RABL2A: variants seen among roughly 807,000 people sequenced by gnomAD.
The protein encoded by RABL2A is rab-like protein 2A.
In RABL2A, 17 loss-of-function variants were observed where a neutral mutation model predicts 30.7. The ratio of observed to expected loss-of-function variants is 0.55; its 90% CI spans 0.38 to 0.83. The LOEUF (loss-of-function observed/expected upper bound fraction) is 0.83. Among genes scored for constraint, RABL2A ranks in the 40% least tolerant of loss-of-function variants. The pLI is 0.00. For missense variants in RABL2A, 155 were observed against 272.6 expected, an observed-to-expected ratio of 0.57 and a Z score of 3.04; for synonymous variants, 64 against 101.8, an observed-to-expected ratio of 0.63 and a Z score of 2.24.
chr2:113,627,802 C>T lies in RABL2A; in HGVS notation c.-54+402C>T, dbSNP rs1278074927. The T allele has an allele frequency of 1.7e-4, 34 of 204,292 alleles. 1 individual carries two copies. Among genetic ancestry groups the T allele is most frequent in the Non-Finnish European group, 2.9e-5 (3 of 101,824 alleles). The allele number at this position is 204,292 out of a possible 1,614,324, so 12.7% of individuals were successfully genotyped here. ...TATCTCTAAACAAAAGAAAGAACGTCTTCAAGCATGGAGCCATGAAGCTGG... is the reference window on the plus strand; with the variant it reads ...TATCTCTAAACAAAAGAAAGAACGTTTTCAAGCATGGAGCCATGAAGCTGG... On this transcript the variant is annotated intron_variant, in intron 1 of 8. Coordinates refer to ENST00000683472, the MANE Select transcript of RABL2A (RefSeq NM_001306158.2).
Position 113,632,922 on chromosome 2 carries a change from G to T in RABL2A, c.115G>T (p.Glu39Ter). The T allele has an allele frequency of 6.2e-7, 1 of 1,614,178 alleles. No homozygotes were observed. Among genetic ancestry groups the T allele is most frequent in the Admixed American group, 1.7e-5 (1 of 60,018 alleles). ...DSAVGKSKLM[E>*]RFLMDGFQPQ... Reference sequence around the variant, plus strand: ...TGCCTGTTCTGCTTACAGACTCATGGAGAGATTTCTCATGGATGGCTTGTA... The same window carrying T: ...TGCCTGTTCTGCTTACAGACTCATGTAGAGATTTCTCATGGATGGCTTGTA... Residue 39 changes from glutamate (E) to a stop codon, truncating the protein, a stop_gained, in exon 3 of 9, where the codon GAG becomes TAG. Transcript: ENST00000683472. LOFTEE classifies it high-confidence loss of function.
intron 4 of RABL2A, chr2:113,634,665 G>GGC (rs1053494039): frequency 4.9e-6 from 2 of 410,130 alleles, no homozygotes; most frequent in African/African-American, 2.0e-5. Context: ...TCCTTGGCCG[G>GGC]GCACACAGCC....
At chr2:113,641,033 A>C in intron 6 of RABL2A, 28 bp downstream of exon 6, 3 of 1,604,982 alleles carry the variant, frequency 1.9e-6, no homozygotes, top group Non-Finnish European at 1.7e-6. Flanking sequence ...CCTGGGTGTT[A>C]GCAATTCACT....
chr2:113,629,797 G>C (rs1408893370), intron 2 of RABL2A, among the ~76,000 whole-genome samples: 8 of 152,008 alleles, frequency 5.3e-5, no homozygotes, highest in Admixed American at 5.2e-4. Flanking sequence ...CTCAGCCTCC[G>C]AAAGTGCTGG....
intron 3 of RABL2A, chr2:113,633,907 G>A (rs1005864098): frequency 2.9e-6 from 2 of 699,264 alleles, no homozygotes; most frequent in Non-Finnish European, 2.2e-6. Context: ...CCTGTTCTGT[G>A]TTTTACCTCA....
chr2:113,631,672 C>T (rs1027650092), intron 2 of RABL2A, among the ~76,000 whole-genome samples: 19 of 151,946 alleles, frequency 1.3e-4, no homozygotes, highest in African/African-American at 4.1e-4. Context: ...GTCTCTGGGG[C>T]CTCTTTTTCC....
chr2:113,631,379 TG>T (rs1166006738), intron 2 of RABL2A, among the ~76,000 whole-genome samples: 1 of 152,086 alleles, frequency 6.6e-6, no homozygotes, highest in East Asian at 1.9e-4. Context: ...CCACATGGTG[TG>T]AGTACAGACT....
intron 5 of RABL2A, chr2:113,637,851 C>A: frequency 7.9e-7 from 1 of 1,272,940 alleles, no homozygotes; most frequent in East Asian, 5.6e-5. Context: ...TCCCCTCAGA[C>A]CCTCTTCTGA....
chr2:113,635,045 T>C lies in RABL2A; in HGVS notation c.218-6T>C, dbSNP rs754213678. ...GCATGTAGGTCTGTCTGTGTTCACA[T>C]TGCAGACTTTTGGGACACGGCAGGC... On this transcript the variant is annotated splice_region_variant and splice_polypyrimidine_tract_variant and intron_variant, in intron 4 of 8. Coordinates refer to ENST00000683472, the MANE Select transcript of RABL2A (RefSeq NM_001306158.2). 4.3e-6 allele frequency: 7 copies of C among 1,614,058 alleles called. No homozygotes were observed. Among genetic ancestry groups the C allele is most frequent in the Non-Finnish European group, 5.1e-6 (6 of 1,180,012 alleles).
intron 3 of RABL2A, 69 bp downstream of exon 3, chr2:113,633,013 C>T (rs1367885505): frequency 9.9e-6 from 16 of 1,610,772 alleles, no homozygotes; most frequent in Admixed American, 1.7e-5. Flanking sequence ...CAGTGTCCCA[C>T]TGCCCACCCC....
At chr2:113,636,079 G>T (rs142891844) in intron 5 of RABL2A, among the ~76,000 whole-genome samples, 42,757 of 150,490 alleles carry the variant, frequency 0.28, 6,356 homozygotes, top group Middle Eastern at 0.45. Flanking sequence ...TTGCACTCCA[G>T]CCTGGGCAAC....
rs543645312 is a variant in RABL2A at position 113,635,238 on chromosome 2, G to C, written c.297+108G>C. On this transcript the variant is annotated intron_variant, in intron 5 of 8. Transcript: ENST00000683472. ...TAACCAAGTCTGGGTGTTGTGGGAG[G>C]GGGGCTTAGGGTCACCCGGGGATGT... 5.5e-6 allele frequency: 6 copies of C among 1,089,740 alleles called. No individual in the cohort carries two copies. The East Asian group carries it at 7.6e-5, about 14-fold the overall frequency. 67.5% of individuals were successfully genotyped at this position (1,089,740 alleles called of 1,614,324 possible). A position where few individuals can be genotyped will look rare whatever the true frequency, so the allele number is the denominator to read the frequency against.
chr2:113,630,864 A>G (rs1680052638), intron 2 of RABL2A, among the ~76,000 whole-genome samples: 1 of 151,784 alleles, frequency 6.6e-6, no homozygotes, highest in East Asian at 1.9e-4. Flanking sequence ...CCAGGTGATC[A>G]TACTGCTTAA....
At chr2:113,632,494 C>T (rs1251569641) in intron 2 of RABL2A, among the ~76,000 whole-genome samples, 2 of 152,250 alleles carry the variant, frequency 1.3e-5, no homozygotes, top group Non-Finnish European at 2.9e-5. Context: ...ACAAGGGCTT[C>T]ACCATGTTGG....
intron 2 of RABL2A, among the ~76,000 whole-genome samples, chr2:113,630,134 G>A (rs989453679): frequency 1.3e-5 from 2 of 152,128 alleles, no homozygotes; most frequent in African/African-American, 4.8e-5. Context: ...AATCCAAGTA[G>A]TTAACTTGAC....
At chr2:113,634,701 G>T (rs1681822499) in intron 4 of RABL2A, 1 of 432,528 alleles carries the variant, frequency 2.3e-6, no homozygotes, top group Non-Finnish European at 4.3e-6. Context: ...ACCGTCTGTG[G>T]TCATCGCACG....
chr2:113,636,938 G>C (rs1402723392), intron 5 of RABL2A, among the ~76,000 whole-genome samples: 5 of 151,422 alleles, frequency 3.3e-5, no homozygotes, highest in Non-Finnish European at 7.4e-5. Flanking sequence ...GCAGTGAGCC[G>C]AGATCGCGCC....
Position 113,643,239 on chromosome 2 carries a change from G to A in RABL2A, c.*1110G>A, listed in dbSNP as rs1309437349. Reference sequence around the variant, plus strand: ...TGTGGGAGGCTGAGGACTGCAAGAGGAGAGCTAGCAGATATGCCTGTTCAC... The same window carrying A: ...TGTGGGAGGCTGAGGACTGCAAGAGAAGAGCTAGCAGATATGCCTGTTCAC... On this transcript the variant is annotated 3_prime_UTR_variant, in exon 9 of 9. Coordinates refer to ENST00000683472, the MANE Select transcript of RABL2A (RefSeq NM_001306158.2). 9.7e-5 allele frequency: 41 copies of A among 421,692 alleles called. No homozygotes were observed. In the Admixed American group the frequency reaches 1.1e-3, roughly 12 times the overall value. 26.1% of individuals were successfully genotyped at this position (421,692 alleles called of 1,614,324 possible).
At chr2:113,631,132 T>C (rs1680167071) in intron 2 of RABL2A, among the ~76,000 whole-genome samples, 3 of 152,096 alleles carry the variant, frequency 2.0e-5, no homozygotes, top group Non-Finnish European at 1.5e-5. Flanking sequence ...TAACCTCAAG[T>C]GATCTGTCTG....
Sources: gnomAD v4.1 joint callset for allele counts (sites outside exome capture counted in the v4.1 genomes callset) on GRCh38, gnomAD v4.1.1 for gene constraint, MANE v1.5 for transcripts, NCBI Gene and HGNC (gene_info 2026-07-23, HGNC 2026-07-21) for gene names.